ZNF490: variants seen among roughly 807,000 people sequenced by gnomAD.
ZNF490 encodes the protein zinc finger protein 490.
Under a neutral mutation model 17.7 loss-of-function variants are expected in ZNF490, and 11 were observed. The ratio of observed to expected loss-of-function variants is 0.62; its 90% confidence interval spans 0.39 to 1.03. The LOEUF (loss-of-function observed/expected upper bound fraction) is 1.03, where lower values mean the gene tolerates loss of function less well. ZNF490 is among the 50% of genes least tolerant of loss of function. ZNF490 has a pLI of 0.00. For synonymous variants in ZNF490, 222 were observed against 216.1 expected, an observed-to-expected ratio of 1.03 and a Z score of -0.24; for missense variants, 542 against 643.4, an observed-to-expected ratio of 0.84 and a Z score of 1.71.
chr19:12,583,658 CGG>C, intron 2 of ZNF490, 102 bp from the exon 3 acceptor site: 1 of 1,264,186 alleles, frequency 7.9e-7, no homozygotes, highest in Non-Finnish European at 1.1e-6. Context: ...CCTGTAGTCT[CGG>C]TTTAGTGGTA....
In ZNF490 at chr19:12,586,159, G is replaced by A. The variant is rs1467500932; in HGVS notation, c.163-2603C>T. On this transcript the variant is annotated intron_variant, in intron 2 of 4. Coordinates refer to ENST00000311437, the MANE Select transcript of ZNF490 (RefSeq NM_020714.3). ...TCTACTAAAAATACAAAAATTTGCCGGGTGTGGTGGGCACCTGTAATCCCG... is the reference window on the plus strand; with the variant it reads ...TCTACTAAAAATACAAAAATTTGCCAGGTGTGGTGGGCACCTGTAATCCCG... 2.2e-5 allele frequency among the ~76,000 whole-genome samples: 2 copies of A among 91,966 alleles called. 1 individual carries two copies. The highest frequency in any genetic ancestry group is 5.8e-5 in the Non-Finnish European group (2 of 34,272). 60.3% of individuals were successfully genotyped at this position (91,966 alleles called of 152,430 possible).
At chr19:12,609,759 A>G (rs1021024245) in intron 1 of ZNF490, 1 of 301,584 alleles carries the variant, frequency 3.3e-6, no homozygotes, top group Non-Finnish European at 6.4e-6. Flanking sequence ...ATCTTCTTAC[A>G]TATAAGTGGG....
intron 2 of ZNF490, among the ~76,000 whole-genome samples, chr19:12,604,732 G>A (rs1358721896): frequency 2.0e-5 from 3 of 151,784 alleles, no homozygotes; most frequent in Non-Finnish European, 4.4e-5. Context: ...GCTGAGGCAG[G>A]AGAATTGCTT....
chr19:12,586,066 G>T (rs1350537824), intron 2 of ZNF490, among the ~76,000 whole-genome samples: 1 of 91,644 alleles, frequency 1.1e-5, no homozygotes, highest in South Asian at 3.0e-4. Context: ...TTTGGGAGGC[G>T]GGGGGCGGGC....
Position 12,580,979 on chromosome 19 carries a change from T to C in ZNF490, c.1096A>G (p.Lys366Glu), listed in dbSNP as rs1791195586. 6.2e-7 allele frequency: 1 copy of C among 1,614,030 alleles called. No homozygotes were observed. Among genetic ancestry groups the C allele is most frequent in the Non-Finnish European group, 8.5e-7 (1 of 1,180,028 alleles). ...HTGVQPYTCK[K>E]CGEAFKSSSS... ...GATGACTTGAAGGCTTCCCCACATT[T>C]CTTACATGTATAAGGTTGAACTCCG... The change falls in exon 5 of 5, where the codon AAA (lysine) becomes GAA (glutamate). Residue 366 changes from lysine to glutamate, a missense_variant. Coordinates refer to ENST00000311437, the MANE Select transcript of ZNF490 (RefSeq NM_020714.3).
chr19:12,580,306 A>T lies in ZNF490; in HGVS notation c.*179T>A. The T allele has an allele frequency of 7.1e-7, 1 of 1,411,048 alleles. No individual in the cohort carries two copies. The highest frequency in any genetic ancestry group is 9.2e-7 in the Non-Finnish European group (1 of 1,086,826). 87.4% of individuals were successfully genotyped at this position (1,411,048 alleles called of 1,614,324 possible). ...ATCTGCAATCCCGCAGGAGAGTGCA[A>T]GTTCCTCCCCCATTTGTTAAATATT... On this transcript the variant is annotated 3_prime_UTR_variant, in exon 5 of 5. Transcript: ENST00000311437.
intron 2 of ZNF490, among the ~76,000 whole-genome samples, chr19:12,606,535 C>T (rs4804201): frequency 2.6e-5 from 4 of 151,236 alleles, no homozygotes; most frequent in Non-Finnish European, 5.9e-5. Flanking sequence ...AGTAGAGATG[C>T]GGTTTCGCCA....
chr19:12,580,784 T>C lies in ZNF490; in HGVS notation c.1291A>G (p.Thr431Ala), dbSNP rs2022719794. 1 of 1,614,144 alleles carries C rather than the reference T, an allele frequency of 6.2e-7. No homozygotes were observed. Among genetic ancestry groups the C allele is most frequent in the African/African-American group, 1.3e-5 (1 of 75,042 alleles). ...KECGKAFLYS[T>A]HFRIHERTHT... ...GTTCTTTCATGGATTCGAAAGTGAG[T>C]GGAATAAAGAAAGGCTTTACCACAT... Residue 431 changes from threonine to alanine, a missense_variant, in exon 5 of 5, where the codon ACT (threonine) becomes GCT (alanine). Thr to Ala is a moderately conservative substitution (Grantham distance 58, BLOSUM62 0). Transcript: ENST00000311437.
chr19:12,593,227 G>C (rs1027596719), intron 2 of ZNF490, among the ~76,000 whole-genome samples: 5 of 151,648 alleles, frequency 3.3e-5, no homozygotes, highest in African/African-American at 1.2e-4. Flanking sequence ...GGTAAAAAAA[G>C]ATTCCCAGAG....
chr19:12,578,817 C>CTGGG lies in ZNF490; in HGVS notation c.*1664_*1667dup, dbSNP rs1436350430. 9 of 985,338 alleles carry CTGGG rather than the reference C, an allele frequency of 9.1e-6. No homozygotes were observed. Among genetic ancestry groups the CTGGG allele is most frequent in the Non-Finnish European group, 1.1e-5 (9 of 829,966 alleles). The allele number at this position is 985,338 out of a possible 1,614,324, so 61.0% of individuals were successfully genotyped here. On this transcript the variant is annotated 3_prime_UTR_variant, in exon 5 of 5. Transcript: ENST00000311437. ...CTGACTGGATGCCACAAAAGGCCTGCTGGGGCCCAAGTCCTTCTTCCCCAT... is the reference window on the plus strand; with the variant it reads ...CTGACTGGATGCCACAAAAGGCCTGCTGGGTGGGGCCCAAGTCCTTCTTCCCCAT...
chr19:12,582,763 T>C, intron 4 of ZNF490, 87 bp downstream of exon 4: 2 of 1,145,360 alleles, frequency 1.7e-6, no homozygotes, highest in South Asian at 1.3e-5. Flanking sequence ...GAAACTCTGC[T>C]TATTGTTTTG....
At chr19:12,595,765 C>A (rs1046710984) in intron 2 of ZNF490, among the ~76,000 whole-genome samples, 1 of 151,066 alleles carries the variant, frequency 6.6e-6, no homozygotes, top group African/African-American at 2.4e-5. Context: ...GCCTGGCCAA[C>A]CTGGCGAAAC....
chr19:12,591,397 C>A (rs1370710914), intron 2 of ZNF490, among the ~76,000 whole-genome samples: 1 of 144,070 alleles, frequency 6.9e-6, no homozygotes, highest in African/African-American at 2.6e-5. Context: ...GCCGCCCCCC[C>A]AAAAAAGAGT....
At chr19:12,582,776 T>G (rs1009040434) in intron 4 of ZNF490, 74 bp downstream of exon 4, 21 of 1,249,282 alleles carry the variant, frequency 1.7e-5, no homozygotes, top group Non-Finnish European at 2.3e-5. Context: ...TTGTTTTGCT[T>G]GCTTGGCTTT....
chr19:12,604,932 T>A (rs2023050434), intron 2 of ZNF490, among the ~76,000 whole-genome samples: 1 of 151,680 alleles, frequency 6.6e-6, no homozygotes, highest in Admixed American at 6.6e-5. Flanking sequence ...GGCAGATGGA[T>A]CACTTGAGGT....
rs540262568 is a variant in ZNF490, at chr19:12,586,190, T to C, written c.163-2634A>G. Among the ~76,000 whole-genome samples, 7 of 92,496 alleles carry C rather than the reference T, an allele frequency of 7.6e-5. 1 individual carries two copies. In the South Asian group the frequency reaches 2.0e-3, roughly 27 times the overall value. 60.7% of individuals were successfully genotyped at this position (92,496 alleles called of 152,430 possible). On this transcript the variant is annotated intron_variant, in intron 2 of 4. Coordinates refer to ENST00000311437, the MANE Select transcript of ZNF490 (RefSeq NM_020714.3). ...GGTGGGCACCTGTAATCCCGGCTAC[T>C]TGGGAGGCTGAGGGAAGAGAATCGC...
At position 12,585,654 on chromosome 19, in the gene ZNF490, G is replaced by A. The variant is rs1321276974; in HGVS notation, c.163-2098C>T. 2.2e-4 allele frequency among the ~76,000 whole-genome samples: 20 copies of A among 92,494 alleles called. 8 individuals carry two copies. Among genetic ancestry groups the A allele is most frequent in the Non-Finnish European group, 1.2e-4 (4 of 34,440 alleles). 60.7% of individuals were successfully genotyped at this position (92,494 alleles called of 152,430 possible). On this transcript the variant is annotated intron_variant, in intron 2 of 4. Coordinates refer to ENST00000311437, the MANE Select transcript of ZNF490 (RefSeq NM_020714.3). ...CAGATGATTCATAGGATTATATCAT[G>A]TTTCCACTCCAGCCACTGGTAACAG... is the stretch of plus-strand genomic sequence containing the variant.
In ZNF490 at chr19:12,580,293, G is replaced by T; in HGVS notation, c.*192C>A. On this transcript the variant is annotated 3_prime_UTR_variant, in exon 5 of 5. Transcript: ENST00000311437. ...AGTCCATTCACATATCTGCAATCCCGCAGGAGAGTGCAAGTTCCTCCCCCA... is the reference window on the plus strand; with the variant it reads ...AGTCCATTCACATATCTGCAATCCCTCAGGAGAGTGCAAGTTCCTCCCCCA... 11 of 1,377,734 alleles carry T rather than the reference G, an allele frequency of 8.0e-6. No homozygotes were observed. The highest frequency in any genetic ancestry group is 1.0e-5 in the Non-Finnish European group (11 of 1,068,348). The allele number at this position is 1,377,734 out of a possible 1,614,324, so 85.3% of individuals were successfully genotyped here.
rs2022716391 is a variant in ZNF490, at chr19:12,580,607, T to C, written c.1468A>G (p.Lys490Glu). The change falls in exon 5 of 5, where the codon AAA becomes GAA. Residue 490 changes from lysine (K) to glutamate (E), a missense_variant. Coordinates refer to ENST00000311437, the MANE Select transcript of ZNF490 (RefSeq NM_020714.3). ...CCAGTATGAATTCTTTTGTGTACTT[T>C]CAGGGAATTTAAACAAGTGAAAGCT... is the stretch of plus-strand genomic sequence containing the variant. The part of the protein sequence containing the change: ...GKAFTCLNSL[K>E]VHKRIHTGER... 1 of 1,614,132 alleles carries C rather than the reference T, an allele frequency of 6.2e-7. No individual in the cohort carries two copies. Among genetic ancestry groups the C allele is most frequent in the East Asian group, 2.2e-5 (1 of 44,876 alleles).
Sources: allele counts gnomAD v4.1 joint callset (sites outside exome capture counted in the v4.1 genomes callset), GRCh38; gene constraint gnomAD v4.1.1; transcripts MANE v1.5; gene names NCBI Gene and HGNC (gene_info 2026-07-23, HGNC 2026-07-21).